Variants in NRG1 observed in about 807,000 individuals in gnomAD.
NRG1 encodes the protein pro-neuregulin-1, membrane-bound isoform.
Under a neutral mutation model 63.8 loss-of-function variants are expected in NRG1, and 18 were observed. The ratio of observed to expected loss-of-function variants is 0.28; its 90% CI spans 0.19 to 0.42. NRG1 has a LOEUF of 0.42. Ranked by LOEUF, NRG1 falls within the 10% of genes least tolerant of loss-of-function variation. The pLI, the probability that NRG1 is intolerant of heterozygous loss-of-function variation, is 1.00. For synonymous variants in NRG1, 302 were observed against 301.3 expected (o/e 1.00, Z -0.02); for missense variants, 762 against 814.7 (o/e 0.94, Z 0.79).
chr8:32,458,212 G>A lies in NRG1; in HGVS notation c.38-137616G>A, dbSNP rs138636077. On this transcript the variant is annotated intron_variant, in intron 1 of 10. Transcript: ENST00000519301. ...ATTACAGGCATGAGCCACTGTGCCC[G>A]GCCTCATGTAGAGCACTTTAAAAGT... Among the ~76,000 whole-genome samples the A allele has an allele frequency of 2.0e-3, 307 of 152,188 alleles. 4 individuals are homozygous for A. Among genetic ancestry groups the A allele is most frequent in the African/African-American group, 7.1e-3 (294 of 41,508 alleles).
In NRG1 at chr8:31,856,145, T is replaced by G. The variant is rs1388638180; in HGVS notation, c.37+216714T>G. Among the ~76,000 whole-genome samples the G allele has an allele frequency of 3.3e-5, 5 of 152,102 alleles. No homozygotes were observed. In the East Asian group the frequency reaches 9.6e-4, roughly 29 times the overall value. ...TGTGGCGTTCTCTGTATTTCCTGAA[T>G]CTGAATGTTGGCCTGCCTTGCTAGA... On this transcript the variant is annotated intron_variant, in intron 1 of 10. Coordinates refer to the NRG1 transcript ENST00000519301.
chr8:32,168,793 C>A (rs1354712025), intron 1 of NRG1, among the ~76,000 whole-genome samples: 3 of 152,134 alleles, frequency 2.0e-5, no homozygotes, highest in Non-Finnish European at 4.4e-5. Flanking sequence ...ACCATTCATC[C>A]CCTTCCTAGG....
chr8:31,749,414 T>C (rs1292686205), intron 1 of NRG1, among the ~76,000 whole-genome samples: 1 of 151,876 alleles, frequency 6.6e-6, no homozygotes, highest in Non-Finnish European at 1.5e-5. Context: ...AATCCCAGTG[T>C]CTTTAATTAG....
At chr8:32,315,125 C>T (rs184678430) in intron 1 of NRG1, among the ~76,000 whole-genome samples, 1 of 152,284 alleles carries the variant, frequency 6.6e-6, no homozygotes, top group Non-Finnish European at 1.5e-5. Flanking sequence ...GCAGGACGTG[C>T]AGGTTTGTTA....
intron 1 of NRG1, among the ~76,000 whole-genome samples, chr8:31,855,394 G>C (rs896158683): frequency 1.3e-5 from 2 of 151,998 alleles, no homozygotes; most frequent in African/African-American, 4.8e-5. Context: ...TTTGATCTTT[G>C]TTGGTTTAAA....
chr8:32,184,626 G>C (rs954645754), intron 1 of NRG1, among the ~76,000 whole-genome samples: 3 of 151,646 alleles, frequency 2.0e-5, no homozygotes, highest in African/African-American at 7.3e-5. Flanking sequence ...AAAGCATCTG[G>C]TGATTGAACA....
At chr8:32,661,814 G>A (rs986273918) in intron 5 of NRG1, among the ~76,000 whole-genome samples, 1 of 152,078 alleles carries the variant, frequency 6.6e-6, no homozygotes, top group Non-Finnish European at 1.5e-5. Flanking sequence ...TTAGCAGGCA[G>A]TACATCATAT....
At chr8:32,337,681 A>AAAAAAAAAAAAAAAAAAAAAAAAAAC (rs1803481160) in intron 1 of NRG1, among the ~76,000 whole-genome samples, 1 of 120,978 alleles carries the variant, frequency 8.3e-6, no homozygotes, top group Non-Finnish European at 1.8e-5. Context: ...AAAAAAAAAA[A>AAAAAAAAAAAAAAAAAAAAAAAAAAC]AGCTGATGCA....
At chr8:32,382,280 G>A (rs1810452286) in intron 1 of NRG1, among the ~76,000 whole-genome samples, 2 of 152,098 alleles carry the variant, frequency 1.3e-5, no homozygotes, top group African/African-American at 2.4e-5. Context: ...GGGTTTGTTG[G>A]CGACTAGATA....
At chr8:32,573,842 C>G (rs1428437113) in intron 1 of NRG1, among the ~76,000 whole-genome samples, 1 of 152,076 alleles carries the variant, frequency 6.6e-6, no homozygotes, top group Admixed American at 6.6e-5. Flanking sequence ...GTGAAATTCC[C>G]CTTCCTGTGC....
intron 1 of NRG1, among the ~76,000 whole-genome samples, chr8:31,932,405 A>G (rs952619790): frequency 1.3e-5 from 2 of 152,190 alleles, no homozygotes; most frequent in African/African-American, 4.8e-5. Flanking sequence ...ACGCTTTCAG[A>G]TGATGTAAGC....
intron 5 of NRG1, among the ~76,000 whole-genome samples, chr8:32,660,787 A>G (rs1172411258): frequency 6.6e-6 from 1 of 152,174 alleles, no homozygotes; most frequent in Non-Finnish European, 1.5e-5. Flanking sequence ...TGGTGTTCAT[A>G]AAGTGTTTGG....
At chr8:31,817,888 A>G (rs1823609800) in intron 1 of NRG1, among the ~76,000 whole-genome samples, 1 of 152,246 alleles carries the variant, frequency 6.6e-6, no homozygotes, top group Non-Finnish European at 1.5e-5. Context: ...TTGAATGTAC[A>G]TTCCTCAGAG....
intron 11 of NRG1, chr8:32,763,184 A>C (rs377561952): frequency 1.2e-6 from 2 of 1,606,982 alleles, no homozygotes; most frequent in African/African-American, 2.7e-5. Flanking sequence ...GTCAGGAATA[A>C]ATCTAAGTTA....
intron 6 of NRG1, among the ~76,000 whole-genome samples, chr8:32,728,941 G>T (rs1254508932): frequency 6.6e-6 from 1 of 152,072 alleles, no homozygotes; most frequent in Non-Finnish European, 1.5e-5. Context: ...GGTGGCACAC[G>T]CCTGTAGTCC....
At chr8:32,105,135 C>G (rs916753505) in intron 1 of NRG1, among the ~76,000 whole-genome samples, 1 of 152,054 alleles carries the variant, frequency 6.6e-6, no homozygotes, top group Non-Finnish European at 1.5e-5. Flanking sequence ...ATTATGAGGG[C>G]TATGATGTCA....
At chr8:32,456,869 C>T (rs547233340) in intron 1 of NRG1, among the ~76,000 whole-genome samples, 40 of 152,182 alleles carry the variant, frequency 2.6e-4, no homozygotes, top group African/African-American at 8.4e-4. Context: ...CGTAGACTCA[C>T]GTCTATCATC....
chr8:32,257,016 T>C (rs1338076184), intron 1 of NRG1, among the ~76,000 whole-genome samples: 1 of 152,318 alleles, frequency 6.6e-6, no homozygotes, highest in East Asian at 1.9e-4. Flanking sequence ...GCAATCTGAC[T>C]ACAGCATCTT....
intron 1 of NRG1, among the ~76,000 whole-genome samples, chr8:31,989,223 T>G (rs1360177616): frequency 5.1e-5 from 5 of 97,786 alleles, no homozygotes; most frequent in Non-Finnish European, 9.4e-5. Flanking sequence ...ACTGTTACAC[T>G]CCAACCTGGG....
Sources: allele counts gnomAD v4.1 joint callset (sites outside exome capture counted in the v4.1 genomes callset), GRCh38; gene constraint gnomAD v4.1.1; transcripts MANE v1.5; gene names NCBI Gene and HGNC (gene_info 2026-07-23, HGNC 2026-07-21).